PCDH9: variants seen among roughly 807,000 people sequenced by gnomAD.
PCDH9 encodes protocadherin 9.
A neutral mutation model predicts 70.6 loss-of-function variants in PCDH9; 24 were observed. That is an observed-to-expected ratio of 0.34 (90% confidence interval 0.25 to 0.48). PCDH9 has a LOEUF of 0.48. Among genes scored for constraint, PCDH9 ranks in the 20% least tolerant of loss-of-function variants. The pLI is 0.99. For synonymous variants in PCDH9, 562 were observed against 558.5 expected, an observed-to-expected ratio of 1.01 and a Z score of -0.09; for missense variants, 1,281 against 1,503.6, an observed-to-expected ratio of 0.85 and a Z score of 2.45.
At chr13:66,657,872 C>T (rs181807324) in intron 3 of PCDH9, among the ~76,000 whole-genome samples, 1 of 152,148 alleles carries the variant, frequency 6.6e-6, no homozygotes, top group Admixed American at 6.6e-5. Context: ...ACAGTCCAAT[C>T]GGCCCTCTGT....
intron 3 of PCDH9, among the ~76,000 whole-genome samples, chr13:66,659,539 T>TGTGTGTGTGTGTGTGTGTGTGTG (rs1566487710): frequency 3.3e-5 from 1 of 30,270 alleles, no homozygotes; most frequent in Non-Finnish European, 6.9e-5. Context: ...TAAGTTATGT[T>TGTGTGTGTGTGTGTGTGTGTGTG]TGTGTGTGTG....
At chr13:66,910,858 T>A (rs1004320177) in intron 2 of PCDH9, among the ~76,000 whole-genome samples, 1 of 152,198 alleles carries the variant, frequency 6.6e-6, no homozygotes, top group African/African-American at 2.4e-5. Flanking sequence ...ACTATAAAGT[T>A]TTAGCAACTC....
intron 4 of PCDH9, among the ~76,000 whole-genome samples, chr13:66,358,955 G>A (rs1324322634): frequency 6.6e-6 from 1 of 151,832 alleles, no homozygotes; most frequent in Non-Finnish European, 1.5e-5. Context: ...TCCCTCTAGA[G>A]TCATCCAAAA....
intron 4 of PCDH9, among the ~76,000 whole-genome samples, chr13:66,589,276 T>C (rs1418275454): frequency 6.6e-6 from 1 of 151,988 alleles, no homozygotes; most frequent in Admixed American, 6.6e-5. Flanking sequence ...TACAACGAAA[T>C]TGTCAGCTAG....
chr13:67,140,741 T>C (rs1402996487), intron 2 of PCDH9, among the ~76,000 whole-genome samples: 1 of 152,212 alleles, frequency 6.6e-6, no homozygotes, highest in Non-Finnish European at 1.5e-5. Context: ...CTTCTCTTTT[T>C]TTAGGATAAG....
intron 4 of PCDH9, among the ~76,000 whole-genome samples, chr13:66,396,191 C>G (rs1434659712): frequency 6.6e-6 from 1 of 152,088 alleles, no homozygotes; most frequent in Non-Finnish European, 1.5e-5. Context: ...TACACATACC[C>G]AGTGCTTCTT....
intron 3 of PCDH9, among the ~76,000 whole-genome samples, chr13:66,730,681 CTTTT>C (rs200246747): frequency 7.2e-6 from 1 of 138,292 alleles, no homozygotes. Flanking sequence ...TATATATTTC[CTTTT>C]TTTTTTTTTT....
At chr13:66,554,338 C>T (rs1961629689) in intron 4 of PCDH9, among the ~76,000 whole-genome samples, 1 of 152,062 alleles carries the variant, frequency 6.6e-6, no homozygotes. Context: ...AAAGTAGGAA[C>T]ATTTTCAGCA....
At chr13:67,059,823 G>A (rs1457279543) in intron 2 of PCDH9, among the ~76,000 whole-genome samples, 1 of 151,620 alleles carries the variant, frequency 6.6e-6, no homozygotes, top group African/African-American at 2.4e-5. Flanking sequence ...TGCCTTAACG[G>A]CATCCATAAC....
At chr13:66,903,880 A>G (rs970665140) in intron 2 of PCDH9, among the ~76,000 whole-genome samples, 1 of 152,026 alleles carries the variant, frequency 6.6e-6, no homozygotes, top group Non-Finnish European at 1.5e-5. Flanking sequence ...TTTATTTATT[A>G]CATTTATGAC....
intron 3 of PCDH9, among the ~76,000 whole-genome samples, chr13:66,757,206 A>C (rs1216887530): frequency 6.6e-6 from 1 of 152,100 alleles, no homozygotes; most frequent in East Asian, 1.9e-4. Context: ...TGTCTTCTAG[A>C]GCAACTTTGA....
chr13:66,460,781 C>G (rs1958408466), intron 4 of PCDH9, among the ~76,000 whole-genome samples: 1 of 151,834 alleles, frequency 6.6e-6, no homozygotes, highest in Non-Finnish European at 1.5e-5. Context: ...TCACTCCACA[C>G]CTGCAGAAAT....
intron 2 of PCDH9, among the ~76,000 whole-genome samples, chr13:66,959,607 T>G (rs527820115): frequency 6.6e-6 from 1 of 151,748 alleles, no homozygotes; most frequent in Non-Finnish European, 1.5e-5. Flanking sequence ...AAAAATTAGC[T>G]GGGTGTGGTG....
intron 4 of PCDH9, among the ~76,000 whole-genome samples, chr13:66,619,468 T>C (rs1335874971): frequency 6.6e-6 from 1 of 152,196 alleles, no homozygotes; most frequent in Non-Finnish European, 1.5e-5. Context: ...TTTAAGTGTG[T>C]AACACTGATT....
intron 2 of PCDH9, among the ~76,000 whole-genome samples, chr13:66,907,862 T>C (rs750553448): frequency 3.9e-5 from 6 of 152,180 alleles, no homozygotes; most frequent in Non-Finnish European, 7.4e-5. Flanking sequence ...AGCACTTTCA[T>C]AGAAGTTTTG....
At chr13:66,744,122 G>C (rs111691901) in intron 3 of PCDH9, among the ~76,000 whole-genome samples, 1 of 152,136 alleles carries the variant, frequency 6.6e-6, no homozygotes, top group Non-Finnish European at 1.5e-5. Context: ...AGAGCCCCAC[G>C]CATCTGGGTA....
chr13:67,033,276 C>G (rs2084943463), intron 2 of PCDH9, among the ~76,000 whole-genome samples: 1 of 151,788 alleles, frequency 6.6e-6, no homozygotes, highest in African/African-American at 2.4e-5. Flanking sequence ...CAGAGAAAGT[C>G]AATGTTGAAA....
intron 4 of PCDH9, among the ~76,000 whole-genome samples, chr13:66,617,783 C>G (rs185822695): frequency 1.3e-5 from 2 of 152,292 alleles, no homozygotes; most frequent in South Asian, 4.1e-4. Flanking sequence ...TCCAAACAGT[C>G]ATGCAATTGG....
chr13:66,686,751 G>A (rs2078409126), intron 3 of PCDH9, among the ~76,000 whole-genome samples: 2 of 152,072 alleles, frequency 1.3e-5, no homozygotes, highest in Admixed American at 6.6e-5. Context: ...CTGGACCCAG[G>A]ATTTGAACAG....
Sources: allele counts gnomAD v4.1 joint callset (sites outside exome capture counted in the v4.1 genomes callset), GRCh38; gene constraint gnomAD v4.1.1; transcripts MANE v1.5; gene names NCBI Gene and HGNC (gene_info 2026-07-23, HGNC 2026-07-21).